Variants in MYCBP2 observed in about 807,000 individuals in gnomAD.
The protein encoded by MYCBP2 is MYC binding protein 2.
Under a neutral mutation model 525.3 loss-of-function variants are expected in MYCBP2, and 120 were observed. That is an observed-to-expected ratio of 0.23 (90% CI 0.20 to 0.27). The LOEUF (loss-of-function observed/expected upper bound fraction) is 0.27. Among genes scored for constraint, MYCBP2 ranks in the 10% least tolerant of loss-of-function variants. The pLI, the probability that MYCBP2 is intolerant of heterozygous loss-of-function variation, is 1.00. For synonymous variants in MYCBP2, 1,894 were observed against 1,955.8 expected, an observed-to-expected ratio of 0.97 and a Z score of 0.83; for missense variants, 4,149 against 5,657.1, an observed-to-expected ratio of 0.73 and a Z score of 8.55.
In MYCBP2 at chr13:77,168,768, G is replaced by T. The variant is rs137929772; in HGVS notation, c.5896-122C>A. On this transcript the variant is annotated intron_variant, in intron 39 of 82. Transcript: ENST00000544440. ...TCCATCTAAATTTTCCACTAGTTAA[G>T]TTTTTGTCCAAAGAGAAATCTTTCA... 4.1e-4 allele frequency: 332 copies of T among 807,464 alleles called. No homozygotes were observed. In the African/African-American group the frequency reaches 5.3e-3, roughly 13 times the overall value. The allele number at this position is 807,464 out of a possible 1,614,324, so 50.0% of individuals were successfully genotyped here.
chr13:77,223,977 G>A (rs2065931091), intron 20 of MYCBP2, among the ~76,000 whole-genome samples: 1 of 152,122 alleles, frequency 6.6e-6, no homozygotes, highest in Non-Finnish European at 1.5e-5. Context: ...TTTGCAATAA[G>A]TCAAAAGAGT....
intron 13 of MYCBP2, among the ~76,000 whole-genome samples, chr13:77,259,561 T>C (rs974509156): frequency 6.6e-6 from 1 of 152,236 alleles, no homozygotes. Flanking sequence ...TTTACTCTGA[T>C]AGCTGCAGCC....
At chr13:77,292,072 A>C (rs2077537744) in intron 2 of MYCBP2, among the ~76,000 whole-genome samples, 1 of 152,200 alleles carries the variant, frequency 6.6e-6, no homozygotes, top group Non-Finnish European at 1.5e-5. Context: ...GACTAACAAG[A>C]TATGTCTGTG....
intron 75 of MYCBP2, 39 bp downstream of exon 75, chr13:77,061,623 A>G (rs1233304969): frequency 2.5e-6 from 4 of 1,594,612 alleles, no homozygotes; most frequent in African/African-American, 1.4e-5. Context: ...TTCAAAATTC[A>G]CTGAACATAT....
rs773476866 is a variant in MYCBP2, at chr13:77,211,337, T to G, written c.3263-17A>C. 3 of 1,240,496 alleles carry G rather than the reference T, an allele frequency of 2.4e-6. No homozygotes were observed. Among genetic ancestry groups the G allele is most frequent in the Non-Finnish European group, 3.1e-6 (3 of 967,174 alleles). The allele number at this position is 1,240,496 out of a possible 1,614,324, so 76.8% of individuals were successfully genotyped here. ...GTACCAAGCCTTAAGAAAAAAATAT[T>G]TATATATAATTTTAATATATATTAC... On this transcript the variant is annotated splice_polypyrimidine_tract_variant and intron_variant, in intron 22 of 82. Coordinates refer to ENST00000544440, the MANE Select transcript of MYCBP2 (RefSeq NM_015057.5).
At chr13:77,296,763 C>T (rs1444924917) in intron 1 of MYCBP2, 89 bp from the exon 2 acceptor site, 2 of 1,029,302 alleles carry the variant, frequency 1.9e-6, no homozygotes, top group Non-Finnish European at 2.7e-6. Flanking sequence ...CCAAAGTAGA[C>T]ATTTGGATCT....
chr13:77,317,312 A>G (rs1025567803), intron 1 of MYCBP2, among the ~76,000 whole-genome samples: 5 of 152,348 alleles, frequency 3.3e-5, no homozygotes, highest in African/African-American at 9.6e-5. Flanking sequence ...ACTTTAAAGT[A>G]TAACAGGATT....
rs149496455 is a variant in MYCBP2 at position 77,096,168 on chromosome 13, A to C, written c.9954+144T>G. 2.9e-3 allele frequency: 2,456 copies of C among 859,870 alleles called. 6 individuals carry two copies. The highest frequency in any genetic ancestry group is 5.1e-3 in the Admixed American group (166 of 32,804). 53.3% of individuals were successfully genotyped at this position (859,870 alleles called of 1,614,324 possible). A position where few individuals can be genotyped will look rare whatever the true frequency, so the allele number is the denominator to read the frequency against. ...AAGCATTTGACTTAGTACAAATATT[A>C]AATTTGTATATGATTTCCATTATAA... On this transcript the variant is annotated intron_variant, in intron 57 of 82. Coordinates refer to ENST00000544440, the MANE Select transcript of MYCBP2 (RefSeq NM_015057.5).
intron 52 of MYCBP2, among the ~76,000 whole-genome samples, chr13:77,133,213 G>C (rs1272649460): frequency 1.3e-5 from 2 of 152,098 alleles, no homozygotes; most frequent in Non-Finnish European, 2.9e-5. Flanking sequence ...CTTTCTACTT[G>C]TGATCCTGGG....
chr13:77,072,122 A>G (rs954381992), intron 68 of MYCBP2, among the ~76,000 whole-genome samples: 5 of 151,796 alleles, frequency 3.3e-5, no homozygotes, highest in South Asian at 2.1e-4. Flanking sequence ...CCCCATCTCT[A>G]CTAAAAAAAA....
chr13:77,075,162 C>G (rs1388925017), intron 68 of MYCBP2, among the ~76,000 whole-genome samples: 2 of 152,138 alleles, frequency 1.3e-5, no homozygotes, highest in African/African-American at 2.4e-5. Flanking sequence ...GAGCCGTGAT[C>G]ATACCACTGC....
At chr13:77,114,101 T>G (rs1594664089) in intron 55 of MYCBP2, among the ~76,000 whole-genome samples, 1 of 152,130 alleles carries the variant, frequency 6.6e-6, no homozygotes, top group East Asian at 1.9e-4. Flanking sequence ...AACCTGGCTT[T>G]TATGCTAACA....
chr13:77,194,117 G>T (rs776773639), intron 27 of MYCBP2, 36 bp downstream of exon 27: 4 of 1,359,414 alleles, frequency 2.9e-6, no homozygotes, highest in African/African-American at 1.4e-5. Flanking sequence ...TATTAAGTAT[G>T]CAAGAGTTAC....
chr13:77,133,322 CAT>C (rs2053220953), intron 52 of MYCBP2, among the ~76,000 whole-genome samples: 1 of 152,062 alleles, frequency 6.6e-6, no homozygotes, highest in African/African-American at 2.4e-5. Context: ...AGGCAAGGAG[CAT>C]ATATATGTTA....
chr13:77,149,341 C>T (rs1257624043), intron 47 of MYCBP2, among the ~76,000 whole-genome samples: 1 of 151,652 alleles, frequency 6.6e-6, no homozygotes, highest in African/African-American at 2.4e-5. Flanking sequence ...ATTCCTGAAC[C>T]TCTCTCCAAA....
At chr13:77,159,426 A>G (rs149295747) in intron 44 of MYCBP2, among the ~76,000 whole-genome samples, 42 of 152,036 alleles carry the variant, frequency 2.8e-4, no homozygotes, top group Non-Finnish European at 4.7e-4. Context: ...ATCTCTCCAT[A>G]TCTGGTCTAG....
In MYCBP2 at chr13:77,327,005, G is replaced by C; in HGVS notation, c.-230C>G. 5 of 445,318 alleles carry C rather than the reference G, an allele frequency of 1.1e-5. No homozygotes were observed. Among genetic ancestry groups the C allele is most frequent in the Non-Finnish European group, 1.5e-5 (4 of 259,358 alleles). The allele number at this position is 445,318 out of a possible 1,614,324, so 27.6% of individuals were successfully genotyped here. A position where few individuals can be genotyped will look rare whatever the true frequency, so the allele number is the denominator to read the frequency against. ...GCCGCTCATCTAACCCCGCCACCCC[G>C]GGAATGTGAGGAGGAGGCGGTGCCG... is the stretch of plus-strand genomic sequence containing the variant. On this transcript the variant is annotated 5_prime_UTR_variant, in exon 1 of 83. Coordinates refer to ENST00000544440, the MANE Select transcript of MYCBP2 (RefSeq NM_015057.5).
At position 77,069,652 on chromosome 13, in the gene MYCBP2, C is replaced by T. The variant is rs1178626; in HGVS notation, c.11905-821G>A. Among the ~76,000 whole-genome samples, 1,248 of 139,380 alleles carry T rather than the reference C, an allele frequency of 9.0e-3. 15 individuals are homozygous for T. Among genetic ancestry groups the T allele is most frequent in the African/African-American group, 0.032 (1,179 of 36,754 alleles). The allele number at this position is 139,380 out of a possible 152,430, so 91.4% of individuals were successfully genotyped here. On this transcript the variant is annotated intron_variant, in intron 69 of 82. Transcript: ENST00000544440. ...CGGGTGGATCACGAGGTCAGGAGAT[C>T]GAGACCATCCTGGCTAACACGGTGA...
At chr13:77,063,145 C>T (rs954343225) in intron 73 of MYCBP2, among the ~76,000 whole-genome samples, 3 of 152,172 alleles carry the variant, frequency 2.0e-5, no homozygotes, top group Admixed American at 2.0e-4. Context: ...TTAAATCCTT[C>T]TAGATAATAA....
Sources: gnomAD v4.1 joint callset for allele counts (sites outside exome capture counted in the v4.1 genomes callset) on GRCh38, gnomAD v4.1.1 for gene constraint, MANE v1.5 for transcripts, NCBI Gene and HGNC (gene_info 2026-07-23, HGNC 2026-07-21) for gene names.